Variants in RGS6 observed in about 807,000 individuals in gnomAD.
The protein encoded by RGS6 is regulator of G-protein signaling 6.
A neutral mutation model predicts 78.5 loss-of-function variants in RGS6; 30 were observed. That is an observed-to-expected ratio of 0.38 (90% CI 0.29 to 0.52). The LOEUF is 0.52. RGS6 is among the 20% of genes least tolerant of loss of function. The probability of loss-of-function intolerance (pLI) is 0.85; values close to 1 mark genes in which losing one functional copy is unlikely to be tolerated. For synonymous variants in RGS6, 206 were observed against 206.0 expected (o/e 1.00, Z 0.00); for missense variants, 495 against 609.7 (o/e 0.81, Z 1.98).
chr14:72,039,690 C>G (rs1347885408), intron 2 of RGS6, among the ~76,000 whole-genome samples: 1 of 151,970 alleles, frequency 6.6e-6, no homozygotes, highest in Non-Finnish European at 1.5e-5. Flanking sequence ...TACATTGAAG[C>G]AATTACTGAT....
At chr14:72,403,442 A>C (rs559945856) in intron 3 of RGS6, among the ~76,000 whole-genome samples, 2 of 152,278 alleles carry the variant, frequency 1.3e-5, no homozygotes, top group African/African-American at 4.8e-5. Flanking sequence ...AGTTATTAGA[A>C]ACTGAGAAGG....
intron 17 of RGS6, among the ~76,000 whole-genome samples, chr14:72,559,607 A>T (rs1369189311): frequency 6.6e-6 from 1 of 152,216 alleles, no homozygotes; most frequent in Non-Finnish European, 1.5e-5. Flanking sequence ...AGAGGGAGAC[A>T]AAAATGCCAA....
At chr14:72,559,040 CT>C (rs1467319497) in intron 17 of RGS6, among the ~76,000 whole-genome samples, 1 of 152,192 alleles carries the variant, frequency 6.6e-6, no homozygotes, top group Admixed American at 6.5e-5. Flanking sequence ...TGAAAAAAAC[CT>C]GCTTCCTCTG....
chr14:72,038,228 C>T (rs1247688511), intron 2 of RGS6, among the ~76,000 whole-genome samples: 1 of 152,154 alleles, frequency 6.6e-6, no homozygotes, highest in African/African-American at 2.4e-5. Flanking sequence ...CCTCAGCCTC[C>T]CAAAGTGCTG....
At chr14:72,325,472 T>C (rs2073474566) in intron 2 of RGS6, among the ~76,000 whole-genome samples, 1 of 133,362 alleles carries the variant, frequency 7.5e-6, no homozygotes, top group African/African-American at 2.6e-5. Context: ...TCTTCTAGGG[T>C]TTTTTTGGTT....
chr14:71,960,374 C>T (rs554011927), intron 1 of RGS6, among the ~76,000 whole-genome samples: 7 of 152,310 alleles, frequency 4.6e-5, no homozygotes, highest in African/African-American at 1.4e-4. Flanking sequence ...TGATGCTATA[C>T]ATGGGTCTTT....
intron 3 of RGS6, among the ~76,000 whole-genome samples, chr14:72,383,195 T>TAC (rs2152900942): frequency 8.6e-6 from 1 of 115,670 alleles, no homozygotes; most frequent in African/African-American, 3.3e-5. Context: ...TATATATATA[T>TAC]ATATATATAT....
At chr14:72,620,867 G>A in the RGS6 span, among the ~76,000 whole-genome samples, 41 of 152,334 alleles carry the variant, frequency 2.7e-4, no homozygotes, top group African/African-American at 8.7e-4. Context: ...TTGGCTGGGC[G>A]CTGTGGCGCA....
the RGS6 span, among the ~76,000 whole-genome samples, chr14:72,579,217 C>A: frequency 6.6e-6 from 1 of 152,002 alleles, no homozygotes. Context: ...CACAAGGAAT[C>A]GGAGAACAAG....
At chr14:72,119,490 A>G (rs889616934) in intron 2 of RGS6, among the ~76,000 whole-genome samples, 1 of 152,214 alleles carries the variant, frequency 6.6e-6, no homozygotes, top group Non-Finnish European at 1.5e-5. Context: ...AAGTTTGAGA[A>G]TGAATTTTCC....
At chr14:72,526,145 C>T (rs1358877567) in intron 15 of RGS6, among the ~76,000 whole-genome samples, 1 of 151,770 alleles carries the variant, frequency 6.6e-6, no homozygotes, top group Non-Finnish European at 1.5e-5. Flanking sequence ...GCTCTGTCAC[C>T]CAGGCTGGTG....
At chr14:71,929,785 T>C (rs1278601478), upstream of RGS6, among the ~76,000 whole-genome samples, 1 of 152,200 alleles carries the variant, frequency 6.6e-6, no homozygotes, top group Non-Finnish European at 1.5e-5. Flanking sequence ...ACTATAGAGT[T>C]CCCTTCTCTG....
chr14:71,971,633 G>A (rs974824468), intron 2 of RGS6, among the ~76,000 whole-genome samples: 1 of 152,148 alleles, frequency 6.6e-6, no homozygotes, highest in African/African-American at 2.4e-5. Context: ...AATTTCTATG[G>A]GTTAGTAATC....
At chr14:71,896,774 A>G in the RGS6 span, among the ~76,000 whole-genome samples, 2 of 152,362 alleles carry the variant, frequency 1.3e-5, no homozygotes, top group Non-Finnish European at 2.9e-5. Context: ...AGCTAATCAA[A>G]TCAGACCACA....
At chr14:72,428,350 T>G (rs1462753564) in intron 3 of RGS6, among the ~76,000 whole-genome samples, 1 of 151,798 alleles carries the variant, frequency 6.6e-6, no homozygotes. Flanking sequence ...GATGGATGAG[T>G]GGGTGGGTGG....
intron 2 of RGS6, among the ~76,000 whole-genome samples, chr14:72,254,927 G>A (rs947735844): frequency 6.6e-6 from 1 of 152,180 alleles, no homozygotes; most frequent in South Asian, 2.1e-4. Flanking sequence ...AGGTTACAGA[G>A]CAGTGTTTTA....
chr14:72,567,986 A>G (rs1233591028), downstream of RGS6, among the ~76,000 whole-genome samples: 1 of 152,212 alleles, frequency 6.6e-6, no homozygotes, highest in Non-Finnish European at 1.5e-5. Context: ...CCCCCTGGCC[A>G]AAAAGAGGCT....
At chr14:72,459,573 T>C in intron 5 of RGS6, 59 bp from the exon 6 acceptor site, 2 of 1,537,514 alleles carry the variant, frequency 1.3e-6, no homozygotes, top group Non-Finnish European at 1.8e-6. Context: ...TCCCTGGGTG[T>C]GGGAGGGAAG....
chr14:72,453,594 C>T lies in RGS6; in HGVS notation c.185-934C>T, dbSNP rs1232876563. ...TCCCGCCACTGCACTCCAGCCTGGG[C>T]GACAGAGCGAGACTCCGTCTCAAAA... On this transcript the variant is annotated intron_variant, in intron 3 of 17. Coordinates refer to ENST00000553525, the MANE Select transcript of RGS6 (RefSeq NM_001204424.2). 3.5e-5 allele frequency among the ~76,000 whole-genome samples: 4 copies of T among 113,462 alleles called. No homozygotes were observed. The East Asian group carries it at 8.1e-4, about 23-fold the overall frequency. 74.4% of individuals were successfully genotyped at this position (113,462 alleles called of 152,430 possible).
Sources: allele counts gnomAD v4.1 joint callset (sites outside exome capture counted in the v4.1 genomes callset), GRCh38; gene constraint gnomAD v4.1.1; transcripts MANE v1.5; gene names NCBI Gene and HGNC (gene_info 2026-07-23, HGNC 2026-07-21).